The following PRRX1 variants were observed in gnomAD, a reference collection of about 807,000 sequenced individuals.
PRRX1 encodes paired related homeobox 1.
PRRX1 carries 8 observed loss-of-function variants against 24.0 expected under a neutral mutation model. That is an observed-to-expected ratio of 0.33 (90% CI 0.20 to 0.60). The LOEUF is 0.60. Ranked by LOEUF, PRRX1 falls within the 20% of genes least tolerant of loss-of-function variation. The pLI is 0.82. For synonymous variants in PRRX1, 160 were observed against 131.7 expected, an observed-to-expected ratio of 1.22 and a Z score of -1.47; for missense variants, 281 against 322.4, an observed-to-expected ratio of 0.87 and a Z score of 0.98.
At position 170,713,020 on chromosome 1, in the gene PRRX1, AG is replaced by A. The variant is rs200539259; in HGVS notation, c.242-6703del. Among the ~76,000 whole-genome samples the A allele has an allele frequency of 5.4e-3, 826 of 152,298 alleles. 5 individuals are homozygous for A. Among genetic ancestry groups the A allele is most frequent in the African/African-American group, 0.018 (766 of 41,560 alleles). The stretch of plus-strand genomic sequence containing the variant: ...AGAATTTCATGTCTTTATCAAAGAG[AG>A]GGTACTCTGTTCAATAATGCATCTC... On this transcript the variant is annotated intron_variant, in intron 1 of 3. Coordinates refer to ENST00000239461, the MANE Select transcript of PRRX1 (RefSeq NM_022716.4).
At chr1:170,704,511 C>A (rs1382416599) in intron 1 of PRRX1, among the ~76,000 whole-genome samples, 1 of 152,186 alleles carries the variant, frequency 6.6e-6, no homozygotes, top group Non-Finnish European at 1.5e-5. Flanking sequence ...GGCCATTGGT[C>A]ACTGCAGTCA....
intron 1 of PRRX1, among the ~76,000 whole-genome samples, chr1:170,719,103 C>T (rs1319370754): frequency 6.6e-6 from 1 of 152,152 alleles, no homozygotes; most frequent in Non-Finnish European, 1.5e-5. Flanking sequence ...TAGCACTAGT[C>T]CTGATCTAGG....
chr1:170,720,656 C>T (rs1655052819), intron 2 of PRRX1, among the ~76,000 whole-genome samples: 3 of 152,180 alleles, frequency 2.0e-5, no homozygotes, highest in Non-Finnish European at 4.4e-5. Flanking sequence ...TGTAAGTACA[C>T]ATGAGTATGA....
chr1:170,686,398 C>T (rs1056031905), intron 1 of PRRX1, among the ~76,000 whole-genome samples: 5 of 152,034 alleles, frequency 3.3e-5, no homozygotes, highest in Non-Finnish European at 7.4e-5. Context: ...AAGGAAGAGA[C>T]GTGGGGAATA....
intron 2 of PRRX1, among the ~76,000 whole-genome samples, chr1:170,720,576 C>T (rs923312960): frequency 3.9e-5 from 6 of 152,262 alleles, no homozygotes; most frequent in African/African-American, 1.2e-4. Context: ...AATCTGATCT[C>T]GAAGTGGTTA....
At chr1:170,721,057 AG>A (rs1305894891) in intron 2 of PRRX1, among the ~76,000 whole-genome samples, 5 of 152,214 alleles carry the variant, frequency 3.3e-5, no homozygotes, top group African/African-American at 1.2e-4. Context: ...TCACATAGCT[AG>A]GAAGTGTCTG....
intron 1 of PRRX1, among the ~76,000 whole-genome samples, chr1:170,692,787 ATC>A (rs1214317909): frequency 6.7e-6 from 1 of 150,288 alleles, no homozygotes; most frequent in African/African-American, 2.5e-5. Flanking sequence ...ACGCACATGC[ATC>A]TCTCACATTT....
chr1:170,666,836 G>A (rs1322556671), intron 1 of PRRX1, among the ~76,000 whole-genome samples: 1 of 152,090 alleles, frequency 6.6e-6, no homozygotes, highest in Non-Finnish European at 1.5e-5. Flanking sequence ...GCCTTAGAGT[G>A]GGTATGGAGC....
chr1:170,680,131 C>G (rs573363997), intron 1 of PRRX1, among the ~76,000 whole-genome samples: 1 of 152,158 alleles, frequency 6.6e-6, no homozygotes, highest in South Asian at 2.1e-4. Context: ...TTTTAAGGTA[C>G]GTTTCAGGGC....
chr1:170,697,719 T>C (rs887711268), intron 1 of PRRX1, among the ~76,000 whole-genome samples: 2 of 145,376 alleles, frequency 1.4e-5, no homozygotes, highest in Non-Finnish European at 3.0e-5. Context: ...CATATATAGA[T>C]ATATAAATAT....
intron 1 of PRRX1, among the ~76,000 whole-genome samples, chr1:170,691,384 A>G (rs1653940760): frequency 6.6e-6 from 1 of 152,020 alleles, no homozygotes; most frequent in Non-Finnish European, 1.5e-5. Context: ...TTGCCACTCA[A>G]ATGGATTCTG....
At chr1:170,699,737 T>G (rs1198591776) in intron 1 of PRRX1, among the ~76,000 whole-genome samples, 2 of 150,600 alleles carry the variant, frequency 1.3e-5, no homozygotes, top group African/African-American at 4.9e-5. Context: ...GCCTCAAAAG[T>G]GCAAGTGAAT....
At position 170,695,268 on chromosome 1, in the gene PRRX1, T is replaced by C. The variant is rs1465912367; in HGVS notation, c.242-24458T>C. The stretch of plus-strand genomic sequence containing the variant: ...AAGATCAGCCAGCTAGCTGCACAAC[T>C]GTGACTGGAAACTGAGCCCCTACAT... On this transcript the variant is annotated intron_variant, in intron 1 of 3. Transcript: ENST00000239461. 5.3e-5 allele frequency among the ~76,000 whole-genome samples: 8 copies of C among 152,270 alleles called. No individual in the cohort carries two copies. In the East Asian group the frequency reaches 1.5e-3, roughly 29 times the overall value.
At position 170,738,825 on chromosome 1, in the gene PRRX1, G is replaced by T. The variant is rs1436354041; in HGVS notation, c.*2639G>T. 4.4e-6 allele frequency: 1 copy of T among 228,828 alleles called. No individual in the cohort carries two copies. The highest frequency in any genetic ancestry group is 2.2e-5 in the African/African-American group (1 of 45,096). The allele number at this position is 228,828 out of a possible 1,614,324, so 14.2% of individuals were successfully genotyped here. A position where few individuals can be genotyped will look rare whatever the true frequency, so the allele number is the denominator to read the frequency against. ...CTGAACCCATAAACCCAAATGATAG[G>T]TGAAGTTGGGTGGTTTTATCCAATG... On this transcript the variant is annotated 3_prime_UTR_variant, in exon 4 of 4. Transcript: ENST00000239461.
At chr1:170,712,098 C>T (rs1654770171) in intron 1 of PRRX1, among the ~76,000 whole-genome samples, 1 of 152,020 alleles carries the variant, frequency 6.6e-6, no homozygotes, top group Non-Finnish European at 1.5e-5. Flanking sequence ...CTTTTCTTTC[C>T]TGTCTTTTTT....
At chr1:170,724,462 A>G (rs1655188658) in intron 2 of PRRX1, among the ~76,000 whole-genome samples, 1 of 152,190 alleles carries the variant, frequency 6.6e-6, no homozygotes, top group African/African-American at 2.4e-5. Flanking sequence ...ATTTTTGTAT[A>G]TGGTGTAACA....
At chr1:170,717,416 A>G (rs1241952923) in intron 1 of PRRX1, among the ~76,000 whole-genome samples, 1 of 152,246 alleles carries the variant, frequency 6.6e-6, no homozygotes, top group Non-Finnish European at 1.5e-5. Flanking sequence ...TGGCAGTACA[A>G]GAAGAAATAG....
At chr1:170,667,396 T>G (rs149992820) in intron 1 of PRRX1, 1 of 152,208 alleles carries the variant, frequency 6.6e-6, no homozygotes, top group African/African-American at 2.4e-5. Context: ...TTTGTTGCTT[T>G]TATAAGCACT....
intron 1 of PRRX1, among the ~76,000 whole-genome samples, chr1:170,681,420 G>T (rs1020950035): frequency 3.3e-5 from 5 of 151,594 alleles, no homozygotes; most frequent in African/African-American, 1.2e-4. Context: ...TAGAACTCTT[G>T]TAACTGTGGT....
Sources: gnomAD v4.1 joint callset for allele counts (sites outside exome capture counted in the v4.1 genomes callset) on GRCh38, gnomAD v4.1.1 for gene constraint, MANE v1.5 for transcripts, NCBI Gene and HGNC (gene_info 2026-07-23, HGNC 2026-07-21) for gene names.